The following UBE3D variants were observed in gnomAD, a reference collection of about 807,000 sequenced individuals.
UBE3D encodes E3 ubiquitin-protein ligase E3D.
Under a neutral mutation model 49.6 loss-of-function variants are expected in UBE3D, and 48 were observed. The ratio of observed to expected loss-of-function variants is 0.97; its 90% confidence interval spans 0.77 to 1.23. The LOEUF (loss-of-function observed/expected upper bound fraction) is 1.23. Among genes scored for constraint, UBE3D ranks in the 50% most tolerant of loss-of-function variants. UBE3D has a pLI of 0.00. For synonymous variants in UBE3D, 189 were observed against 174.2 expected, an observed-to-expected ratio of 1.08 and a Z score of -0.67; for missense variants, 452 against 468.4, an observed-to-expected ratio of 0.96 and a Z score of 0.32.
intron 8 of UBE3D, among the ~76,000 whole-genome samples, chr6:82,984,546 A>G (rs749263374): frequency 6.6e-6 from 1 of 152,170 alleles, no homozygotes; most frequent in Non-Finnish European, 1.5e-5. Context: ...TCACAGCTTC[A>G]CCAAAAAAAT....
At chr6:82,941,292 A>AT (rs139951412) in intron 9 of UBE3D, among the ~76,000 whole-genome samples, 6 of 151,526 alleles carry the variant, frequency 4.0e-5, no homozygotes, top group East Asian at 1.9e-4. Flanking sequence ...GAATTTTCCA[A>AT]TTTTTTTTAT....
intron 8 of UBE3D, among the ~76,000 whole-genome samples, chr6:83,005,235 C>T (rs771078918): frequency 8.6e-5 from 13 of 151,876 alleles, no homozygotes; most frequent in African/African-American, 2.7e-4. Flanking sequence ...AAAGGATACT[C>T]GATATCACTA....
chr6:82,937,842 C>T (rs1032343420), intron 9 of UBE3D, among the ~76,000 whole-genome samples: 3 of 152,148 alleles, frequency 2.0e-5, no homozygotes, highest in East Asian at 1.9e-4. Flanking sequence ...CTAGCCTCCA[C>T]ATGAAAGAGT....
At chr6:82,896,161 G>A (rs923111583) in intron 9 of UBE3D, among the ~76,000 whole-genome samples, 3 of 152,172 alleles carry the variant, frequency 2.0e-5, no homozygotes, top group East Asian at 1.9e-4. Context: ...TATTTCAAAC[G>A]CTGATTTTGT....
intron 7 of UBE3D, among the ~76,000 whole-genome samples, chr6:83,019,605 G>T (rs2127770210): frequency 6.6e-6 from 1 of 152,306 alleles, no homozygotes; most frequent in African/African-American, 2.4e-5. Flanking sequence ...TTTGAAGTGG[G>T]CATTCCAATA....
In UBE3D at chr6:82,892,958, T is replaced by A; in HGVS notation, c.*64A>T. 6.3e-7 allele frequency: 1 copy of A among 1,593,258 alleles called. No homozygotes were observed. Among genetic ancestry groups the A allele is most frequent in the Non-Finnish European group, 8.6e-7 (1 of 1,161,598 alleles). Reference sequence around the variant, plus strand: ...AATTGATGCCTCCTGAGCTGACTGCTGGCCTCGGTGTGCTCCTGCTTGAGA... The same window carrying A: ...AATTGATGCCTCCTGAGCTGACTGCAGGCCTCGGTGTGCTCCTGCTTGAGA... On this transcript the variant is annotated 3_prime_UTR_variant, in exon 10 of 10. Coordinates refer to ENST00000369747, the MANE Select transcript of UBE3D (RefSeq NM_198920.3).
intron 4 of UBE3D, among the ~76,000 whole-genome samples, chr6:83,038,761 T>C (rs1478919671): frequency 1.3e-5 from 2 of 152,112 alleles, no homozygotes; most frequent in African/African-American, 4.8e-5. Context: ...TAGTACCTTA[T>C]ATTTCTAAAA....
downstream of UBE3D, among the ~76,000 whole-genome samples, chr6:82,887,399 T>TTTTTTTG (rs1562053916): frequency 7.2e-6 from 1 of 138,958 alleles, no homozygotes; most frequent in Non-Finnish European, 1.5e-5. Context: ...GTTTTTTTTT[T>TTTTTTTG]TTTTTTTTTT....
intron 9 of UBE3D, among the ~76,000 whole-genome samples, chr6:82,940,727 A>G (rs1247236319): frequency 3.9e-5 from 6 of 152,130 alleles, no homozygotes; most frequent in Non-Finnish European, 7.4e-5. Context: ...ACCCTCATAT[A>G]TAATGTCCCC....
At chr6:83,013,103 A>G (rs1387720613) in intron 8 of UBE3D, among the ~76,000 whole-genome samples, 3 of 152,148 alleles carry the variant, frequency 2.0e-5, no homozygotes, top group Admixed American at 6.5e-5. Flanking sequence ...GACCTGCTCG[A>G]GCCCAATCAT....
intron 9 of UBE3D, among the ~76,000 whole-genome samples, chr6:82,931,487 G>C (rs1673763590): frequency 6.6e-6 from 1 of 152,222 alleles, no homozygotes; most frequent in South Asian, 2.1e-4. Context: ...CAGGAGGGGG[G>C]CTGTACCCTG....
intron 9 of UBE3D, among the ~76,000 whole-genome samples, chr6:82,923,107 G>T (rs905085499): frequency 2.6e-5 from 4 of 152,320 alleles, no homozygotes; most frequent in Non-Finnish European, 4.4e-5. Flanking sequence ...TTACACTGTT[G>T]GTGGGAGTGT....
At chr6:82,894,770 T>A (rs1284624142) in intron 9 of UBE3D, among the ~76,000 whole-genome samples, 1 of 152,036 alleles carries the variant, frequency 6.6e-6, no homozygotes, top group African/African-American at 2.4e-5. Flanking sequence ...AGTCATTGAG[T>A]CTGACTTAGG....
chr6:83,032,207 CA>C (rs1396415932), intron 5 of UBE3D: 4 of 456,166 alleles, frequency 8.8e-6, no homozygotes, highest in African/African-American at 8.0e-5. Context: ...AGTACCTCAA[CA>C]CCAGCCCATG....
At chr6:82,939,602 C>T (rs1215262688) in intron 9 of UBE3D, among the ~76,000 whole-genome samples, 1 of 152,200 alleles carries the variant, frequency 6.6e-6, no homozygotes, top group African/African-American at 2.4e-5. Context: ...GTATTCAGTA[C>T]AGTGCCATAT....
At chr6:83,007,737 C>G (rs931459615) in intron 8 of UBE3D, among the ~76,000 whole-genome samples, 7 of 151,992 alleles carry the variant, frequency 4.6e-5, no homozygotes, top group African/African-American at 1.2e-4. Context: ...TTGAGCCCAG[C>G]AGTTCGAGAT....
intron 2 of UBE3D, among the ~76,000 whole-genome samples, chr6:83,057,619 G>T (rs1272509539): frequency 6.6e-6 from 1 of 152,120 alleles, no homozygotes; most frequent in East Asian, 1.9e-4. Flanking sequence ...GGGTGGAAAA[G>T]AAAGAAGGAA....
intron 8 of UBE3D, among the ~76,000 whole-genome samples, chr6:82,993,121 GGA>G (rs376760223): frequency 6.8e-4 from 101 of 149,498 alleles, no homozygotes; most frequent in Admixed American, 1.7e-3. Context: ...GGGTCGGGGG[GGA>G]GAGAGAGAGA....
chr6:82,936,285 C>A (rs1023699273), intron 9 of UBE3D, among the ~76,000 whole-genome samples: 1 of 152,134 alleles, frequency 6.6e-6, no homozygotes, highest in Non-Finnish European at 1.5e-5. Flanking sequence ...AAGAACAAAG[C>A]CTTCTATTTT....
Sources: gnomAD v4.1 joint callset for allele counts (sites outside exome capture counted in the v4.1 genomes callset) on GRCh38, gnomAD v4.1.1 for gene constraint, MANE v1.5 for transcripts, NCBI Gene and HGNC (gene_info 2026-07-23, HGNC 2026-07-21) for gene names.